The following SLC5A1 variants were observed in gnomAD, a reference collection of about 807,000 sequenced individuals.
SLC5A1 encodes solute carrier family 5 member 1, also known as sodium/glucose cotransporter 1.
SLC5A1 carries 42 observed loss-of-function variants against 73.5 expected under a neutral mutation model. The ratio of observed to expected loss-of-function variants is 0.57; its 90% CI spans 0.45 to 0.74. The LOEUF (loss-of-function observed/expected upper bound fraction) is 0.74, where lower values mean the gene tolerates loss of function less well. Ranked by LOEUF, SLC5A1 falls within the 30% of genes least tolerant of loss-of-function variation. The pLI is 0.00. For synonymous variants in SLC5A1, 300 were observed against 317.4 expected (o/e 0.95, Z 0.58); for missense variants, 634 against 855.4 (o/e 0.74, Z 3.23).
chr22:32,094,491 T>C (rs970922981), intron 11 of SLC5A1, among the ~76,000 whole-genome samples: 2 of 152,124 alleles, frequency 1.3e-5, no homozygotes, highest in Non-Finnish European at 2.9e-5. Context: ...TGGTTGGTAA[T>C]TTTTAAATTA....
intron 10 of SLC5A1, among the ~76,000 whole-genome samples, chr22:32,089,883 A>C (rs2094014182): frequency 6.6e-6 from 1 of 152,044 alleles, no homozygotes; most frequent in Admixed American, 6.6e-5. Context: ...CCCCCTGTAC[A>C]CTCCTTGGTA....
At chr22:32,063,410 G>A (rs1200400814) in intron 2 of SLC5A1, among the ~76,000 whole-genome samples, 1 of 152,184 alleles carries the variant, frequency 6.6e-6, no homozygotes, top group Non-Finnish European at 1.5e-5. Flanking sequence ...GAGAGAAGAC[G>A]GAGGCTTGCA....
intron 2 of SLC5A1, among the ~76,000 whole-genome samples, chr22:32,055,859 C>T (rs2093950964): frequency 6.6e-6 from 1 of 152,230 alleles, no homozygotes; most frequent in Non-Finnish European, 1.5e-5. Flanking sequence ...ATTCTCCTCT[C>T]CCTTTCTTAT....
At chr22:32,050,159 G>A (rs1252153419) in intron 2 of SLC5A1, 145 bp downstream of exon 2, 7 of 762,490 alleles carry the variant, frequency 9.2e-6, no homozygotes, top group South Asian at 4.2e-5. Flanking sequence ...CATGCTCATC[G>A]GGTCTCCTGG....
chr22:32,096,438 A>C (rs2094026436), intron 11 of SLC5A1, among the ~76,000 whole-genome samples: 1 of 152,010 alleles, frequency 6.6e-6, no homozygotes, highest in African/African-American at 2.4e-5. Context: ...TCAGCCCCTC[A>C]CACTGCAGCT....
chr22:32,083,015 G>A, intron 6 of SLC5A1, 59 bp from the exon 7 acceptor site: 1 of 1,481,084 alleles, frequency 6.8e-7, no homozygotes, highest in Non-Finnish European at 9.4e-7. Context: ...GGGGAAGGAA[G>A]CAAGTAGACA....
At chr22:32,108,508 G>A (rs1000247576) in intron 14 of SLC5A1, among the ~76,000 whole-genome samples, 1 of 152,118 alleles carries the variant, frequency 6.6e-6, no homozygotes, top group Non-Finnish European at 1.5e-5. Context: ...TTGGTGGAGT[G>A]AGTCAAAGGG....
intron 10 of SLC5A1, among the ~76,000 whole-genome samples, chr22:32,089,096 C>A (rs2094012798): frequency 6.6e-6 from 1 of 152,186 alleles, no homozygotes; most frequent in African/African-American, 2.4e-5. Context: ...AGTTCTATCC[C>A]AGCTTACCAA....
rs751404991 is a variant in SLC5A1 at position 32,084,547 on chromosome 22, C to T, written c.773C>T (p.Pro258Leu). 1.2e-6 allele frequency: 2 copies of T among 1,614,224 alleles called. No homozygotes were observed. Among genetic ancestry groups the T allele is most frequent in the Non-Finnish European group, 1.7e-6 (2 of 1,180,030 alleles). ...NTTFQEKCYT[P>L]RADSFHIFRD... ...ACCTTTCAGGAAAAATGCTACACTC[C>T]AAGGGCCGACTCCTTCCACATCTTC... Residue 258 changes from proline to leucine, a missense_variant, in exon 8 of 15, where the codon CCA (proline) becomes CTA (leucine). By Grantham distance (98) the Pro-to-Leu change is moderately conservative (BLOSUM62 -3). Transcript: ENST00000266088.
chr22:32,050,014 G>T lies in SLC5A1; in HGVS notation c.207G>T (p.Pro69=), dbSNP rs200779722. 1.2e-6 allele frequency: 2 copies of T among 1,612,856 alleles called. No homozygotes were observed. The highest frequency in any genetic ancestry group is 3.3e-5 in the Admixed American group (2 of 60,016). Reference sequence around the variant, plus strand: ...CAGGCCGAAGTATGGTGTGGTGGCCGGTAAGTTTTCTCTGAAATGCTATTT... The same window carrying T: ...CAGGCCGAAGTATGGTGTGGTGGCCTGTAAGTTTTCTCTGAAATGCTATTT... ...FLAGRSMVWW[P]IGASLFASNI... is the part of the protein sequence containing the mutation. The change falls in exon 2 of 15, where the codon CCG becomes CCT. Residue 69 remains proline (P), a splice_region_variant and synonymous_variant. Transcript: ENST00000266088.
At chr22:32,051,461 G>A (rs962369625) in intron 2 of SLC5A1, among the ~76,000 whole-genome samples, 1 of 152,164 alleles carries the variant, frequency 6.6e-6, no homozygotes, top group Non-Finnish European at 1.5e-5. Flanking sequence ...TTCAAGACCA[G>A]CCTGGGCAAC....
chr22:32,111,101 C>T lies in SLC5A1; in HGVS notation c.*888C>T, dbSNP rs1801115555. ...CTACACAAAGTATGCTCACTGGTTACTAATGACTTGGGATGCATTTGTCAA... is the reference window on the plus strand; with the variant it reads ...CTACACAAAGTATGCTCACTGGTTATTAATGACTTGGGATGCATTTGTCAA... On this transcript the variant is annotated 3_prime_UTR_variant, in exon 15 of 15. Coordinates refer to ENST00000266088, the MANE Select transcript of SLC5A1 (RefSeq NM_000343.4). 6.6e-6 allele frequency: 1 copy of T among 152,190 alleles called. No homozygotes were observed. Among genetic ancestry groups the T allele is most frequent in the Non-Finnish European group, 1.5e-5 (1 of 68,046 alleles). The allele number at this position is 152,190 out of a possible 1,614,324, so 9.4% of individuals were successfully genotyped here.
At chr22:32,078,862 G>C (rs1375447366) in intron 5 of SLC5A1, among the ~76,000 whole-genome samples, 2 of 150,788 alleles carry the variant, frequency 1.3e-5, no homozygotes, top group African/African-American at 4.9e-5. Context: ...GGCTGAGGCA[G>C]GGGAATCACT....
chr22:32,053,906 G>A (rs948952888), intron 2 of SLC5A1, among the ~76,000 whole-genome samples: 1 of 152,156 alleles, frequency 6.6e-6, no homozygotes, highest in Non-Finnish European at 1.5e-5. Context: ...CGGGTGCGGT[G>A]GCTCACACCA....
At chr22:32,100,122 T>A (rs1258097881) in intron 12 of SLC5A1, among the ~76,000 whole-genome samples, 1 of 151,890 alleles carries the variant, frequency 6.6e-6, no homozygotes, top group African/African-American at 2.4e-5. Flanking sequence ...AGGACAGGAG[T>A]GAGGGTGAAG....
Position 32,099,323 on chromosome 22 carries a change from C to T in SLC5A1, c.1421C>T (p.Ala474Val). ...GPPIAAVFLLAIFWKRVNEPG... is the reference protein window; with the variant it reads ...GPPIAAVFLLVIFWKRVNEPG... ...CCCATTGCGGCTGTCTTCCTGCTTG[C>T]TATTTTCTGGAAGAGAGTCAATGAG... is the stretch of plus-strand genomic sequence containing the variant. Residue 474 changes from alanine to valine, a missense_variant, in exon 12 of 15, where the codon GCT becomes GTT. Physicochemically the swap from Ala to Val is moderately conservative, Grantham distance 64. Transcript: ENST00000266088. The T allele has an allele frequency of 6.2e-7, 1 of 1,613,128 alleles. No individual in the cohort carries two copies. Among genetic ancestry groups the T allele is most frequent in the Non-Finnish European group, 8.5e-7 (1 of 1,179,586 alleles).
intron 10 of SLC5A1, among the ~76,000 whole-genome samples, chr22:32,087,743 C>G: frequency 6.6e-6 from 1 of 152,042 alleles, no homozygotes; most frequent in South Asian, 2.1e-4. Flanking sequence ...TTCAGGAGAA[C>G]AAAACTTCAA....
intron 2 of SLC5A1, among the ~76,000 whole-genome samples, chr22:32,062,381 GAATA>G (rs2093964584): frequency 1.3e-5 from 2 of 152,174 alleles, no homozygotes; most frequent in Admixed American, 6.5e-5. Context: ...AAAATCAAAA[GAATA>G]AATAGCCTTT....
intron 2 of SLC5A1, among the ~76,000 whole-genome samples, chr22:32,050,765 T>C (rs918052163): frequency 1.3e-5 from 2 of 152,136 alleles, no homozygotes; most frequent in Non-Finnish European, 2.9e-5. Flanking sequence ...GACTCCAGGA[T>C]TGAAATTACA....
Sources: gnomAD v4.1 joint callset for allele counts (sites outside exome capture counted in the v4.1 genomes callset) on GRCh38, gnomAD v4.1.1 for gene constraint, MANE v1.5 for transcripts, NCBI Gene and HGNC (gene_info 2026-07-23, HGNC 2026-07-21) for gene names.